Variants in SETX observed in about 807,000 individuals in gnomAD.
SETX encodes the protein senataxin, also known as helicase senataxin.
In SETX, 90 loss-of-function variants were observed where a neutral mutation model predicts 227.2. The observed-to-expected ratio is 0.40, with a 90% CI of 0.33 to 0.47. SETX has a LOEUF of 0.47. SETX is among the 20% of genes least tolerant of loss of function. SETX has a pLI of 0.91. For missense variants in SETX, 3,052 were observed against 3,181.5 expected (o/e 0.96, Z 0.98); for synonymous variants, 1,210 against 1,113.2 (o/e 1.09, Z -1.73).
At chr9:132,314,906 G>GTTTTTT (rs559979271) in intron 10 of SETX, among the ~76,000 whole-genome samples, 5 of 88,476 alleles carry the variant, frequency 5.7e-5, no homozygotes, top group Non-Finnish European at 8.7e-5. Context: ...ATTTTATTGT[G>GTTTTTT]TTTTTTTTTT....
rs1218925277 is a variant in SETX, at chr9:132,349,327, G to A, written c.102C>T (p.Asp34=). The A allele has an allele frequency of 3.1e-6, 5 of 1,614,040 alleles. No homozygotes were observed. Among genetic ancestry groups the A allele is most frequent in the South Asian group, 2.2e-5 (2 of 91,086 alleles). ...ACTCCAAGCAGTAGCAGAGGTCTTCGTCGGCTGTTTGAAATTCACCGGACG... is the reference window on the plus strand; with the variant it reads ...ACTCCAAGCAGTAGCAGAGGTCTTCATCGGCTGTTTGAAATTCACCGGACG... ...NTPSGEFQTA[D]EDLCYCLECV... is the part of the protein sequence containing the mutation. Residue 34 remains aspartate, a synonymous_variant, in exon 3 of 26, where the codon GAC becomes GAT. Coordinates refer to ENST00000224140, the MANE Select transcript of SETX (RefSeq NM_015046.7).
rs758555664 is a variant in SETX at position 132,329,690 on chromosome 9, A to G, written c.1908T>C (p.His636=). The G allele has an allele frequency of 2.5e-6, 4 of 1,614,084 alleles. No individual in the cohort carries two copies. Among genetic ancestry groups the G allele is most frequent in the South Asian group, 2.2e-5 (2 of 91,064 alleles). Reference sequence around the variant, plus strand: ...ATGTTGGGCTGGAAGCTTCCAAACAATGCATATCTTTTCTAGACGTCTTCC... The same window carrying G: ...ATGTTGGGCTGGAAGCTTCCAAACAGTGCATATCTTTTCTAGACGTCTTCC... ...QMGKTSRKDM[H]CLEASSPTFS... is the part of the protein sequence containing the mutation. Residue 636 remains histidine (H), a synonymous_variant, in exon 10 of 26, where the codon CAT becomes CAC. Coordinates refer to ENST00000224140, the MANE Select transcript of SETX (RefSeq NM_015046.7).
intron 10 of SETX, among the ~76,000 whole-genome samples, chr9:132,320,041 C>T (rs894176933): frequency 6.6e-6 from 1 of 152,074 alleles, no homozygotes; most frequent in Non-Finnish European, 1.5e-5. Context: ...CAAAACAGTG[C>T]ACATGTATCC....
At chr9:132,276,985 T>G in intron 22 of SETX, 75 bp downstream of exon 22, 2 of 1,282,334 alleles carry the variant, frequency 1.6e-6, no homozygotes, top group Non-Finnish European at 2.3e-6. Context: ...AGGAAATGTA[T>G]TTAACAGAAA....
chr9:132,299,080 G>C (rs1844840652), intron 12 of SETX, among the ~76,000 whole-genome samples: 1 of 152,192 alleles, frequency 6.6e-6, no homozygotes, highest in Non-Finnish European at 1.5e-5. Flanking sequence ...AGTAGACGTG[G>C]GAACTGGATT....
chr9:132,291,159 CTTTTTTTTTTTT>C (rs139976052), intron 15 of SETX, among the ~76,000 whole-genome samples: 1 of 83,822 alleles, frequency 1.2e-5, no homozygotes, highest in Non-Finnish European at 2.1e-5. Context: ...GTTTGAAAAC[CTTTTTTTTTTTT>C]TTTTTTTTTT....
At chr9:132,287,252 A>C (rs1843959101) in intron 17 of SETX, among the ~76,000 whole-genome samples, 1 of 152,204 alleles carries the variant, frequency 6.6e-6, no homozygotes, top group Non-Finnish European at 1.5e-5. Flanking sequence ...TGGGAGGCTA[A>C]GGTGAGAGGA....
intron 18 of SETX, among the ~76,000 whole-genome samples, chr9:132,285,777 G>A (rs1326258005): frequency 6.6e-6 from 1 of 150,868 alleles, no homozygotes; most frequent in African/African-American, 2.5e-5. Flanking sequence ...CTACTCGGGA[G>A]GCTGAGGCAG....
chr9:132,342,806 A>G lies in SETX; in HGVS notation c.389-7T>C, dbSNP rs757243833. On this transcript the variant is annotated splice_region_variant and splice_polypyrimidine_tract_variant and intron_variant, in intron 4 of 25. Coordinates refer to ENST00000224140, the MANE Select transcript of SETX (RefSeq NM_015046.7). Reference sequence around the variant, plus strand: ...GCTTCAACACATAACTCGTCTAAAAAGAAAAAAATAAGTAAAATACATAAA... The same window carrying G: ...GCTTCAACACATAACTCGTCTAAAAGGAAAAAAATAAGTAAAATACATAAA... The G allele has an allele frequency of 3.1e-6, 5 of 1,595,704 alleles. No individual in the cohort carries two copies. The Admixed American group carries it at 8.3e-5, about 27-fold the overall frequency.
In SETX at chr9:132,275,380, T is replaced by G. The variant is rs751216566; in HGVS notation, c.6976A>C (p.Ile2326Leu). The change falls in exon 23 of 26, where the codon ATA becomes CTA. Residue 2326 changes from isoleucine to leucine, a missense_variant. By Grantham distance (5) the Ile-to-Leu change is conservative (BLOSUM62 2). Around this residue, in one of 10 missense-constraint regions of SETX, gnomAD observed 412 missense variants for 589.0 expected, o/e 0.70. Transcript: ENST00000224140. ...CTTTTGTCTTTAATAAGCTTAATTA[T>G]TTCCATCACCAGTTTTATTTCTTGA... ...NVQEIKLVME[I>L]IKLIKDKRKD... 1 of 1,605,986 alleles carries G rather than the reference T, an allele frequency of 6.2e-7. No homozygotes were observed. The highest frequency in any genetic ancestry group is 1.3e-5 in the African/African-American group (1 of 74,748).
At position 132,349,271 on chromosome 9, in the gene SETX, T is replaced by C. The variant is rs769847544; in HGVS notation, c.158A>G (p.Glu53Gly). ...TTTTACCTCATGCAAGAATGGCAAT[T>C]CATCTCTTGCTTTGTGGTACTCAGC... is the stretch of plus-strand genomic sequence containing the variant. ...CVAEYHKARD[E>G]LPFLHEVLWE... is the part of the protein sequence containing the mutation. Residue 53 changes from glutamate (E) to glycine (G), a missense_variant, in exon 3 of 26, where the codon GAA becomes GGA. Coordinates refer to ENST00000224140, the MANE Select transcript of SETX (RefSeq NM_015046.7). The C allele has an allele frequency of 6.2e-7, 1 of 1,614,048 alleles. No individual in the cohort carries two copies. Among genetic ancestry groups the C allele is most frequent in the East Asian group, 2.2e-5 (1 of 44,878 alleles).
chr9:132,347,277 A>G (rs1848344874), intron 3 of SETX, among the ~76,000 whole-genome samples: 1 of 152,050 alleles, frequency 6.6e-6, no homozygotes, highest in Admixed American at 6.5e-5. Context: ...ACAAACGAAA[A>G]AAAACAAGAA....
rs1436444658 is a variant in SETX at position 132,327,102 on chromosome 9, G to A, written c.4496C>T (p.Thr1499Ile). 6.2e-7 allele frequency: 1 copy of A among 1,614,140 alleles called. No homozygotes were observed. Among genetic ancestry groups the A allele is most frequent in the East Asian group, 2.2e-5 (1 of 44,884 alleles). ...SDAEEDNLFL[T>I]QNDPEDMDLC... ...ATCCATATCTTCAGGATCATTTTGG[G>A]TTAAAAATAAGTTATCTTCCTCTGC... Residue 1499 changes from threonine (T) to isoleucine (I), a missense_variant, in exon 10 of 26, where the codon ACC becomes ATC. This residue lies in a region of SETX where 1,483 missense variants were observed against 1,312.0 expected (regional missense o/e 1.13). Coordinates refer to ENST00000224140, the MANE Select transcript of SETX (RefSeq NM_015046.7).
rs1457772197 is a variant in SETX, at chr9:132,327,154, C to T, written c.4444G>A (p.Glu1482Lys). ...ARHIEMAALK[E>K]GEPDSSSDAE... Reference sequence around the variant, plus strand: ...TCACTGCTGGAGTCAGGCTCTCCTTCTTTCAAAGCTGCCATCTCTATATGA... The same window carrying T: ...TCACTGCTGGAGTCAGGCTCTCCTTTTTTCAAAGCTGCCATCTCTATATGA... The change falls in exon 10 of 26, where the codon GAA becomes AAA. Residue 1482 changes from glutamate (E) to lysine (K), a missense_variant. Physicochemically the swap from Glu to Lys is moderately conservative, Grantham distance 56. This residue lies in a region of SETX where 1,483 missense variants were observed against 1,312.0 expected (regional missense o/e 1.13). Coordinates refer to ENST00000224140, the MANE Select transcript of SETX (RefSeq NM_015046.7). The T allele has an allele frequency of 6.2e-7, 1 of 1,614,084 alleles. No individual in the cohort carries two copies. The highest frequency in any genetic ancestry group is 1.3e-5 in the African/African-American group (1 of 74,936).
intron 20 of SETX, among the ~76,000 whole-genome samples, chr9:132,280,675 G>A (rs1843448842): frequency 6.6e-6 from 1 of 152,072 alleles, no homozygotes; most frequent in Non-Finnish European, 1.5e-5. Flanking sequence ...TGTTCTCTAG[G>A]ATTATTTATG....
In SETX at chr9:132,269,627, C is replaced by T. The variant is rs1842800571; in HGVS notation, c.7275G>A (p.Leu2425=). 2 of 1,614,054 alleles carry T rather than the reference C, an allele frequency of 1.2e-6. No homozygotes were observed. Among genetic ancestry groups the T allele is most frequent in the African/African-American group, 2.7e-5 (2 of 74,936 alleles). The change falls in exon 25 of 26, where the codon TTG becomes TTA. Residue 2425 remains leucine (L), a synonymous_variant. Transcript: ENST00000224140. ...AKYSLFILGH[L]RTLMENQHWN... ...CTCTGGTACCTACCATCAGGGTCCTCAAATGTCCGAGGATGAAGAGGCTGT... is the reference window on the plus strand; with the variant it reads ...CTCTGGTACCTACCATCAGGGTCCTTAAATGTCCGAGGATGAAGAGGCTGT...
At chr9:132,356,639 GC>G (rs1300449406), upstream of SETX, among the ~76,000 whole-genome samples, 3 of 152,210 alleles carry the variant, frequency 2.0e-5, no homozygotes, top group African/African-American at 7.2e-5. Context: ...AGATGGGCCA[GC>G]TTGGGAAAAG....
At chr9:132,314,935 C>CA (rs997222500) in intron 10 of SETX, among the ~76,000 whole-genome samples, 5 of 101,368 alleles carry the variant, frequency 4.9e-5, no homozygotes, top group African/African-American at 2.0e-4. Context: ...TTTTTGGAGA[C>CA]AGGGTCTTGC....
intron 14 of SETX, among the ~76,000 whole-genome samples, chr9:132,296,573 C>A (rs949651995): frequency 1.5e-4 from 23 of 150,318 alleles, no homozygotes; most frequent in Admixed American, 2.6e-4. Flanking sequence ...AAAAAAAAAA[C>A]AAAAAACCAC....
Sources: gnomAD v4.1 joint callset for allele counts (sites outside exome capture counted in the v4.1 genomes callset) on GRCh38, gnomAD v4.1.1 for gene constraint, gnomAD v4.1.1 regional missense constraint, MANE v1.5 for transcripts, NCBI Gene and HGNC (gene_info 2026-07-23, HGNC 2026-07-21) for gene names.